Variants in PRKG1 observed in about 807,000 individuals in gnomAD.
PRKG1 encodes the protein protein kinase cGMP-dependent 1.
PRKG1 carries 35 observed loss-of-function variants against 88.1 expected under a neutral mutation model. That is an observed-to-expected ratio of 0.40 (90% CI 0.30 to 0.53). The LOEUF (loss-of-function observed/expected upper bound fraction) is 0.53. Among genes scored for constraint, PRKG1 ranks in the 20% least tolerant of loss-of-function variants. PRKG1 has a pLI of 0.59. For missense variants in PRKG1, 540 were observed against 839.8 expected (o/e 0.64, Z 4.41); for synonymous variants, 303 against 292.5 (o/e 1.04, Z -0.37).
chr10:51,982,728 A>G (rs1564738629), intron 5 of PRKG1, among the ~76,000 whole-genome samples: 2 of 152,126 alleles, frequency 1.3e-5, no homozygotes, highest in Non-Finnish European at 2.9e-5. Flanking sequence ...CTATACTCCA[A>G]TGGGTAGTGT....
At chr10:51,721,079 G>A (rs1469886392) in intron 3 of PRKG1, among the ~76,000 whole-genome samples, 3 of 151,906 alleles carry the variant, frequency 2.0e-5, no homozygotes, top group Non-Finnish European at 4.4e-5. Context: ...TGGGCATGGT[G>A]ATGTGTGCCT....
intron 9 of PRKG1, among the ~76,000 whole-genome samples, chr10:52,233,746 C>A (rs952789128): frequency 6.7e-6 from 1 of 149,310 alleles, no homozygotes; most frequent in Non-Finnish European, 1.5e-5. Flanking sequence ...GAGGGGCGCC[C>A]GCCATTGCCC....
intron 1 of PRKG1, among the ~76,000 whole-genome samples, chr10:51,047,478 G>A (rs909262704): frequency 6.6e-6 from 1 of 152,106 alleles, no homozygotes; most frequent in Non-Finnish European, 1.5e-5. Flanking sequence ...CAGAAAGAAG[G>A]ATAGGAGAGA....
At chr10:51,756,644 T>A (rs2132519058) in intron 3 of PRKG1, among the ~76,000 whole-genome samples, 1 of 151,856 alleles carries the variant, frequency 6.6e-6, no homozygotes, top group East Asian at 1.9e-4. Context: ...TGAAACCCCA[T>A]CTCTACTAAA....
intron 9 of PRKG1, among the ~76,000 whole-genome samples, chr10:52,234,413 T>C (rs868076740): frequency 6.6e-6 from 1 of 152,036 alleles, no homozygotes; most frequent in Middle Eastern, 3.4e-3. Context: ...GTTGAAAACT[T>C]TGAAAAAAAT....
Position 51,860,025 on chromosome 10 carries a change from G to A in PRKG1, c.699-47482G>A, listed in dbSNP as rs776416880. Among the ~76,000 whole-genome samples the A allele has an allele frequency of 3.3e-5, 5 of 152,096 alleles. No individual in the cohort carries two copies. In the South Asian group the frequency reaches 6.2e-4, roughly 19 times the overall value. On this transcript the variant is annotated intron_variant, in intron 4 of 17. Transcript: ENST00000373980. ...CTCATTCCAGATGAATTAGGTACTC[G>A]TGTCATCCCTGTATTACTGGGATGT...
At chr10:51,367,822 T>A (rs553435557) in intron 2 of PRKG1, among the ~76,000 whole-genome samples, 1 of 152,064 alleles carries the variant, frequency 6.6e-6, no homozygotes, top group South Asian at 2.1e-4. Flanking sequence ...AATCAGAAAA[T>A]GTATTCCCTA....
chr10:50,997,036 T>C (rs981719291), intron 1 of PRKG1, among the ~76,000 whole-genome samples: 3 of 152,296 alleles, frequency 2.0e-5, no homozygotes, highest in Non-Finnish European at 2.9e-5. Context: ...GCATAAGCAC[T>C]TCATACATGC....
intron 4 of PRKG1, among the ~76,000 whole-genome samples, chr10:51,808,198 A>G (rs911140910): frequency 6.6e-6 from 1 of 152,122 alleles, no homozygotes; most frequent in Non-Finnish European, 1.5e-5. Context: ...TTTCTTTTAC[A>G]TCATATAAAA....
At chr10:51,956,706 A>G (rs1843310393) in intron 5 of PRKG1, among the ~76,000 whole-genome samples, 1 of 136,034 alleles carries the variant, frequency 7.4e-6, no homozygotes, top group Admixed American at 7.7e-5. Context: ...ATTCTGATAT[A>G]AAACTCCTCT....
intron 1 of PRKG1, among the ~76,000 whole-genome samples, chr10:51,139,901 C>A (rs1273072294): frequency 6.6e-6 from 1 of 152,216 alleles, no homozygotes; most frequent in African/African-American, 2.4e-5. Context: ...ACCCCTTTAA[C>A]AGCTTTTCAT....
intron 7 of PRKG1, among the ~76,000 whole-genome samples, chr10:52,082,054 A>G (rs113246478): frequency 0.011 from 1,700 of 152,274 alleles, 8 homozygotes; most frequent in Non-Finnish European, 0.017. Context: ...ACTTACAATC[A>G]TGGTGTACAG....
At chr10:51,212,419 A>C (rs1204058863) in intron 2 of PRKG1, among the ~76,000 whole-genome samples, 2 of 152,156 alleles carry the variant, frequency 1.3e-5, no homozygotes, top group Non-Finnish European at 2.9e-5. Flanking sequence ...AGGACTTCAT[A>C]TCTAAAACAC....
chr10:51,688,523 T>C (rs541822064), intron 3 of PRKG1, among the ~76,000 whole-genome samples: 1 of 149,734 alleles, frequency 6.7e-6, no homozygotes, highest in East Asian at 2.0e-4. Flanking sequence ...GTGAGGAAAT[T>C]AAAGCATTGA....
Position 51,249,296 on chromosome 10 carries a change from C to T in PRKG1, c.478+95966C>T, listed in dbSNP as rs118011129. 5.5e-3 allele frequency among the ~76,000 whole-genome samples: 837 copies of T among 151,808 alleles called. 2 individuals carry two copies. Among genetic ancestry groups the T allele is most frequent in the Middle Eastern group, 0.01 (3 of 294 alleles). ...ACCCAAATCACTGGACATTAAGCAA[C>T]GCATATATTATAGAATTATCAACAT... On this transcript the variant is annotated intron_variant, in intron 2 of 17. Coordinates refer to ENST00000373980, the MANE Select transcript of PRKG1 (RefSeq NM_006258.4).
chr10:51,841,922 A>T (rs1235031836), intron 4 of PRKG1, among the ~76,000 whole-genome samples: 1 of 152,192 alleles, frequency 6.6e-6, no homozygotes, highest in East Asian at 1.9e-4. Context: ...ACCTCAAGTG[A>T]TCTGCCCGCC....
intron 3 of PRKG1, among the ~76,000 whole-genome samples, chr10:51,605,240 G>A (rs916721228): frequency 1.3e-5 from 2 of 152,158 alleles, no homozygotes; most frequent in Non-Finnish European, 2.9e-5. Flanking sequence ...ATGGGCACAG[G>A]ATGGGGGGGC....
intron 7 of PRKG1, among the ~76,000 whole-genome samples, chr10:52,069,271 T>C (rs374862462): frequency 6.6e-6 from 1 of 152,180 alleles, no homozygotes; most frequent in African/African-American, 2.4e-5. Flanking sequence ...TGGCTCATGC[T>C]TGTAATCCCA....
chr10:51,852,954 G>A (rs935942457), intron 4 of PRKG1, among the ~76,000 whole-genome samples: 11 of 152,052 alleles, frequency 7.2e-5, no homozygotes, highest in African/African-American at 2.7e-4. Context: ...TTTTTAAACT[G>A]TTAAGTATTT....
Sources: gnomAD v4.1 joint callset for allele counts (sites outside exome capture counted in the v4.1 genomes callset) on GRCh38, gnomAD v4.1.1 for gene constraint, MANE v1.5 for transcripts, NCBI Gene and HGNC (gene_info 2026-07-23, HGNC 2026-07-21) for gene names.